The following RIMS2 variants were observed in gnomAD, a reference collection of about 807,000 sequenced individuals.
RIMS2 encodes the protein regulating synaptic membrane exocytosis 2, also known as regulating synaptic membrane exocytosis protein 2.
In RIMS2, 59 loss-of-function variants were observed where a neutral mutation model predicts 174.4. That is an observed-to-expected ratio of 0.34 (90% confidence interval 0.27 to 0.42). The LOEUF (loss-of-function observed/expected upper bound fraction) is 0.42, where lower values mean the gene tolerates loss of function less well. Ranked by LOEUF, RIMS2 falls within the 10% of genes least tolerant of loss-of-function variation. RIMS2 has a pLI of 1.00. For missense variants in RIMS2, 1,620 were observed against 1,666.3 expected (o/e 0.97, Z 0.48); for synonymous variants, 606 against 572.5 (o/e 1.06, Z -0.84).
intron 17 of RIMS2, among the ~76,000 whole-genome samples, chr8:104,004,758 GTCA>G (rs1321287627): frequency 6.6e-6 from 1 of 152,084 alleles, no homozygotes; most frequent in Non-Finnish European, 1.5e-5. Context: ...GAGGTAGGAG[GTCA>G]TCAGACTAAA....
chr8:104,232,684 G>A (rs568890129), intron 19 of RIMS2, among the ~76,000 whole-genome samples: 3 of 152,112 alleles, frequency 2.0e-5, no homozygotes, highest in East Asian at 3.9e-4. Context: ...GGATAACTTC[G>A]GGAAAGTATA....
intron 1 of RIMS2, among the ~76,000 whole-genome samples, chr8:103,576,465 TCTC>T (rs1420065545): frequency 6.6e-6 from 1 of 152,040 alleles, no homozygotes; most frequent in Non-Finnish European, 1.5e-5. Context: ...GGAACCATGG[TCTC>T]CTCAAATGGA....
At chr8:103,806,746 TA>T (rs1276317024) in intron 3 of RIMS2, among the ~76,000 whole-genome samples, 2 of 151,932 alleles carry the variant, frequency 1.3e-5, no homozygotes, top group Admixed American at 6.6e-5. Flanking sequence ...ACTAGAATTA[TA>T]GTAGTGAGAT....
In RIMS2 at chr8:103,661,977, T is replaced by C. The variant is rs527763306; in HGVS notation, c.177-35109T>C. Reference sequence around the variant, plus strand: ...ATTGAGAAAGATACAGAGAATGATATTGAGAATGATATAGACCTGGGGTGT... The same window carrying C: ...ATTGAGAAAGATACAGAGAATGATACTGAGAATGATATAGACCTGGGGTGT... On this transcript the variant is annotated intron_variant, in intron 1 of 23. Coordinates refer to ENST00000504942, the Ensembl canonical transcript of RIMS2. Among the ~76,000 whole-genome samples, 12 of 152,322 alleles carry C rather than the reference T, an allele frequency of 7.9e-5. No individual in the cohort carries two copies. In the South Asian group the frequency reaches 1.7e-3, roughly 21 times the overall value.
chr8:103,566,496 A>G (rs2092360828), intron 1 of RIMS2, among the ~76,000 whole-genome samples: 1 of 152,086 alleles, frequency 6.6e-6, no homozygotes, highest in African/African-American at 2.4e-5. Flanking sequence ...GGAGTGTATA[A>G]CATGTGTACT....
At chr8:103,574,559 T>A (rs2132492144) in intron 1 of RIMS2, among the ~76,000 whole-genome samples, 1 of 152,362 alleles carries the variant, frequency 6.6e-6, no homozygotes, top group South Asian at 2.1e-4. Context: ...ATTCTCTGTC[T>A]ATAATGTTTG....
intron 19 of RIMS2, among the ~76,000 whole-genome samples, chr8:104,025,562 T>C (rs2096236031): frequency 6.6e-6 from 1 of 152,180 alleles, no homozygotes; most frequent in Non-Finnish European, 1.5e-5. Flanking sequence ...TAATAATTAC[T>C]ATATAAATGT....
At chr8:103,929,986 G>A (rs1217214858) in intron 11 of RIMS2, among the ~76,000 whole-genome samples, 1 of 151,886 alleles carries the variant, frequency 6.6e-6, no homozygotes, top group Non-Finnish European at 1.5e-5. Context: ...TAGGTGAGAA[G>A]TGGGCCCCAG....
intron 3 of RIMS2, among the ~76,000 whole-genome samples, chr8:103,803,028 GTACTTAT>G (rs2098624723): frequency 6.6e-6 from 1 of 152,058 alleles, no homozygotes; most frequent in South Asian, 2.1e-4. Flanking sequence ...TGAAGCATAT[GTACTTAT>G]ATTCTCTGCC....
At chr8:103,689,794 T>C (rs571196956) in intron 1 of RIMS2, among the ~76,000 whole-genome samples, 1 of 152,320 alleles carries the variant, frequency 6.6e-6, no homozygotes, top group South Asian at 2.1e-4. Context: ...TTATGGTGTA[T>C]AAACTACTGA....
At chr8:104,098,021 T>G (rs2097792559) in intron 19 of RIMS2, among the ~76,000 whole-genome samples, 1 of 152,186 alleles carries the variant, frequency 6.6e-6, no homozygotes, top group Non-Finnish European at 1.5e-5. Flanking sequence ...TTATAATTGC[T>G]ATTTTCGTTA....
intron 4 of RIMS2, among the ~76,000 whole-genome samples, chr8:103,886,680 C>CT (rs997079514): frequency 3.0e-4 from 46 of 151,494 alleles, no homozygotes; most frequent in African/African-American, 8.5e-4. Context: ...TATTTTCTTT[C>CT]TTTTTTTTCC....
chr8:103,641,881 A>ATTC (rs2096239443), intron 1 of RIMS2, among the ~76,000 whole-genome samples: 1 of 152,126 alleles, frequency 6.6e-6, no homozygotes, highest in African/African-American at 2.4e-5. Context: ...CTTTTTAGAA[A>ATTC]GTCTGCAGAA....
chr8:104,130,454 G>A (rs1263699577), intron 19 of RIMS2, among the ~76,000 whole-genome samples: 2 of 152,120 alleles, frequency 1.3e-5, no homozygotes, highest in Non-Finnish European at 2.9e-5. Flanking sequence ...TAGCATAGTG[G>A]CAGAAGTCCA....
At chr8:103,932,593 C>T (rs1050353397) in intron 12 of RIMS2, among the ~76,000 whole-genome samples, 1 of 152,156 alleles carries the variant, frequency 6.6e-6, no homozygotes, top group Non-Finnish European at 1.5e-5. Context: ...CCATAATCAT[C>T]TATGCTTTTG....
At chr8:104,136,665 G>A (rs1381299621) in intron 19 of RIMS2, among the ~76,000 whole-genome samples, 1 of 152,116 alleles carries the variant, frequency 6.6e-6, no homozygotes, top group Non-Finnish European at 1.5e-5. Flanking sequence ...GATAGAGCTG[G>A]AGGCCATTAT....
At chr8:103,657,857 A>G (rs1337647496) in intron 1 of RIMS2, among the ~76,000 whole-genome samples, 1 of 152,182 alleles carries the variant, frequency 6.6e-6, no homozygotes, top group Non-Finnish European at 1.5e-5. Flanking sequence ...AGGTGAGCAC[A>G]AAGTTCAATA....
rs186920556 is a variant in RIMS2 at position 104,082,460 on chromosome 8, A to G, written c.3334+67845A>G. 1.2e-4 allele frequency among the ~76,000 whole-genome samples: 19 copies of G among 152,342 alleles called. No homozygotes were observed. In the East Asian group the frequency reaches 3.1e-3, roughly 25 times the overall value. On this transcript the variant is annotated intron_variant, in intron 19 of 23. Transcript: ENST00000504942. Reference sequence around the variant, plus strand: ...CTGGGAATAGAATAGAATGTAACACATGAAGTGAAGGACTTCTCAGGCTGA... The same window carrying G: ...CTGGGAATAGAATAGAATGTAACACGTGAAGTGAAGGACTTCTCAGGCTGA...
intron 17 of RIMS2, among the ~76,000 whole-genome samples, chr8:103,991,420 A>G (rs1244835176): frequency 1.3e-5 from 2 of 151,858 alleles, no homozygotes; most frequent in East Asian, 1.9e-4. Context: ...TAAAAGTTCA[A>G]TATTATATAT....
Sources: gnomAD v4.1 joint callset for allele counts (sites outside exome capture counted in the v4.1 genomes callset) on GRCh38, gnomAD v4.1.1 for gene constraint, MANE v1.5 for transcripts, NCBI Gene and HGNC (gene_info 2026-07-23, HGNC 2026-07-21) for gene names.